ZFHX3: variants seen among roughly 807,000 people sequenced by gnomAD.
ZFHX3 encodes the protein zinc finger homeobox protein 3.
A neutral mutation model predicts 279.1 loss-of-function variants in ZFHX3; 42 were observed. The ratio of observed to expected loss-of-function variants is 0.15; its 90% CI spans 0.12 to 0.19. The LOEUF (loss-of-function observed/expected upper bound fraction) is 0.19, where lower values mean the gene tolerates loss of function less well. Ranked by LOEUF, ZFHX3 falls within the 10% of genes least tolerant of loss-of-function variation. The pLI is 1.00. For synonymous variants in ZFHX3, 2,293 were observed against 1,957.8 expected (o/e 1.17, Z -4.52); for missense variants, 4,981 against 4,754.0 (o/e 1.05, Z -1.40).
intron 1 of ZFHX3, among the ~76,000 whole-genome samples, chr16:73,832,794 C>T (rs762759638): frequency 2.0e-4 from 31 of 151,918 alleles, no homozygotes; most frequent in South Asian, 4.2e-4. Flanking sequence ...TATATATCTA[C>T]ACACACACAC....
At chr16:73,765,350 A>T (rs918013497) in intron 1 of ZFHX3, among the ~76,000 whole-genome samples, 3 of 152,332 alleles carry the variant, frequency 2.0e-5, no homozygotes, top group South Asian at 2.1e-4. Context: ...TTACCTTTTT[A>T]AAAATGTGTG....
chr16:73,111,319 G>A (rs1966370677), intron 7 of ZFHX3, among the ~76,000 whole-genome samples: 1 of 152,104 alleles, frequency 6.6e-6, no homozygotes, highest in Admixed American at 6.5e-5. Flanking sequence ...CATTGCTAGT[G>A]AAATTAAAAA....
intron 3 of ZFHX3, among the ~76,000 whole-genome samples, chr16:72,911,893 C>T (rs1228802649): frequency 6.6e-6 from 1 of 152,146 alleles, no homozygotes; most frequent in Non-Finnish European, 1.5e-5. Flanking sequence ...ATGCGGGAGA[C>T]GTCACACTGC....
At chr16:73,371,228 G>A (rs9745937) in intron 3 of ZFHX3, among the ~76,000 whole-genome samples, 130,811 of 151,124 alleles carry the variant, frequency 0.87, 57,070 homozygotes, top group Non-Finnish European at 0.91. Flanking sequence ...AATCACTTGA[G>A]CCCAGGAGGC....
intron 6 of ZFHX3, among the ~76,000 whole-genome samples, chr16:73,133,103 T>C (rs907635994): frequency 6.6e-6 from 1 of 152,218 alleles, no homozygotes; most frequent in African/African-American, 2.4e-5. Context: ...CTGATGCTTT[T>C]GGTCTAGGGC....
At chr16:73,401,026 G>A (rs2017240319) in intron 3 of ZFHX3, 1 of 152,078 alleles carries the variant, frequency 6.6e-6, no homozygotes, top group Non-Finnish European at 1.5e-5. Flanking sequence ...CCTCATGAAA[G>A]GAAGAAGGGC....
At chr16:73,852,737 G>A (rs1961621538) in intron 1 of ZFHX3, among the ~76,000 whole-genome samples, 1 of 152,122 alleles carries the variant, frequency 6.6e-6, no homozygotes, top group Admixed American at 6.5e-5. Context: ...CAAGAGGCAA[G>A]GTCAAAGTTT....
At chr16:73,268,677 C>T (rs750255496) in intron 4 of ZFHX3, among the ~76,000 whole-genome samples, 5 of 152,178 alleles carry the variant, frequency 3.3e-5, no homozygotes, top group South Asian at 2.1e-4. Context: ...ACAGAGGGCT[C>T]GGGGCGCACC....
chr16:73,261,095 T>C (rs1221127907), intron 4 of ZFHX3, among the ~76,000 whole-genome samples: 1 of 152,226 alleles, frequency 6.6e-6, no homozygotes, highest in Non-Finnish European at 1.5e-5. Context: ...CAGCATTATA[T>C]AGGATAGCAA....
rs142010938 is a variant in ZFHX3 at position 73,618,869 on chromosome 16, C to T, written c.-1547+61311G>A. ...TCCCTCGGTAGTTTAGAAAATCGCA[C>T]TTTTGAACTAGAATCCTGGCCTAAT... On this transcript the variant is annotated intron_variant, in intron 2 of 17. Coordinates refer to the ZFHX3 transcript ENST00000641206. 2.0e-4 allele frequency among the ~76,000 whole-genome samples: 31 copies of T among 152,194 alleles called. 1 individual carries two copies. Among genetic ancestry groups the T allele is most frequent in the African/African-American group, 7.5e-4 (31 of 41,534 alleles).
chr16:73,246,149 A>G (rs1170673304), intron 5 of ZFHX3, among the ~76,000 whole-genome samples: 1 of 152,112 alleles, frequency 6.6e-6, no homozygotes, highest in East Asian at 1.9e-4. Context: ...GCTTCACTAG[A>G]TGACAGGGCA....
chr16:73,834,779 T>A (rs1233759363), intron 1 of ZFHX3, among the ~76,000 whole-genome samples: 1 of 152,182 alleles, frequency 6.6e-6, no homozygotes, highest in Non-Finnish European at 1.5e-5. Context: ...TAGTCCCAGC[T>A]ACTCATGTCA....
intron 1 of ZFHX3, among the ~76,000 whole-genome samples, chr16:72,985,559 G>A (rs993034529): frequency 1.4e-4 from 21 of 152,138 alleles, no homozygotes; most frequent in Admixed American, 2.0e-4. Flanking sequence ...TGGAATTTTC[G>A]CTCTTGAGAT....
At chr16:73,290,461 T>A (rs771395533) in intron 4 of ZFHX3, among the ~76,000 whole-genome samples, 16 of 152,276 alleles carry the variant, frequency 1.1e-4, no homozygotes, top group African/African-American at 3.6e-4. Flanking sequence ...GGGGCCTGTT[T>A]AATGCAACAG....
intron 7 of ZFHX3, among the ~76,000 whole-genome samples, chr16:73,120,745 C>G (rs1156376815): frequency 6.6e-6 from 1 of 150,460 alleles, no homozygotes; most frequent in Non-Finnish European, 1.5e-5. Context: ...CCCTCCACCT[C>G]CCGGGTTCAA....
intron 2 of ZFHX3, among the ~76,000 whole-genome samples, chr16:73,497,399 T>C (rs576671721): frequency 1.3e-5 from 2 of 152,350 alleles, no homozygotes; most frequent in East Asian, 3.9e-4. Context: ...TCAGGTGCAG[T>C]GGCTCACGCC....
intron 1 of ZFHX3, among the ~76,000 whole-genome samples, chr16:73,808,017 G>C (rs190800250): frequency 6.6e-6 from 1 of 152,026 alleles, no homozygotes; most frequent in Non-Finnish European, 1.5e-5. Context: ...GGTTCAAAAC[G>C]AGGGTATAAT....
chr16:73,131,338 A>G (rs989305738), intron 6 of ZFHX3, among the ~76,000 whole-genome samples: 1 of 152,230 alleles, frequency 6.6e-6, no homozygotes, highest in Non-Finnish European at 1.5e-5. Flanking sequence ...CTTTATGTAC[A>G]TGACTCATAC....
chr16:72,814,364 T>G (rs1188286349), intron 5 of ZFHX3, among the ~76,000 whole-genome samples: 2 of 152,182 alleles, frequency 1.3e-5, no homozygotes, highest in African/African-American at 4.8e-5. Flanking sequence ...AATGAGTCAA[T>G]TGTGCACTTG....
Sources: allele counts gnomAD v4.1 joint callset (sites outside exome capture counted in the v4.1 genomes callset), GRCh38; gene constraint gnomAD v4.1.1; transcripts MANE v1.5; gene names NCBI Gene and HGNC (gene_info 2026-07-23, HGNC 2026-07-21).